KCNAB1: variants seen among roughly 807,000 people sequenced by gnomAD.
The protein encoded by KCNAB1 is voltage-gated potassium channel subunit beta-1.
A neutral mutation model predicts 64.6 loss-of-function variants in KCNAB1; 35 were observed. The observed-to-expected ratio is 0.54, with a 90% CI of 0.41 to 0.72. KCNAB1 has a LOEUF of 0.72. Among genes scored for constraint, KCNAB1 ranks in the 30% least tolerant of loss-of-function variants. The pLI, the probability that KCNAB1 is intolerant of heterozygous loss-of-function variation, is 0.00. For missense variants in KCNAB1, 401 were observed against 512.9 expected (o/e 0.78, Z 2.11); for synonymous variants, 177 against 183.8 (o/e 0.96, Z 0.30).
At chr3:156,314,255 G>A (rs1206024849) in intron 1 of KCNAB1, among the ~76,000 whole-genome samples, 2 of 150,916 alleles carry the variant, frequency 1.3e-5, no homozygotes, top group African/African-American at 5.0e-5. Context: ...ACATGTATTT[G>A]GTATGTTAGG....
At chr3:156,390,487 CTCT>C (rs1173663058) in intron 1 of KCNAB1, among the ~76,000 whole-genome samples, 1 of 152,134 alleles carries the variant, frequency 6.6e-6, no homozygotes, top group Non-Finnish European at 1.5e-5. Flanking sequence ...AGTGTTTGAA[CTCT>C]TTTCCTTGGC....
chr3:156,279,160 C>T (rs1719541857), intron 1 of KCNAB1, among the ~76,000 whole-genome samples: 1 of 147,912 alleles, frequency 6.8e-6, no homozygotes, highest in South Asian at 2.3e-4. Flanking sequence ...TATTCCCCTT[C>T]CTGTGTCCAT....
intron 1 of KCNAB1, among the ~76,000 whole-genome samples, chr3:156,332,594 C>T (rs927614092): frequency 1.3e-5 from 2 of 152,096 alleles, no homozygotes; most frequent in African/African-American, 4.8e-5. Context: ...ATGTCTCCAA[C>T]TGCCAAACGG....
intron 1 of KCNAB1, among the ~76,000 whole-genome samples, chr3:156,379,237 C>A (rs541802126): frequency 2.6e-5 from 4 of 152,310 alleles, no homozygotes; most frequent in South Asian, 4.1e-4. Context: ...CCTATTATGT[C>A]TGCAAGCTCT....
At chr3:156,504,742 G>GTTTTTTTTTTTTTTTTTTTTTT (rs796618812) in intron 8 of KCNAB1, among the ~76,000 whole-genome samples, 1 of 81,240 alleles carries the variant, frequency 1.2e-5, no homozygotes, top group African/African-American at 3.4e-5. Flanking sequence ...TTTTGTTTTT[G>GTTTTTTTTTTTTTTTTTTTTTT]TTTTTTTTGT....
At chr3:156,159,897 A>G (rs1278891505) in intron 1 of KCNAB1, among the ~76,000 whole-genome samples, 3 of 152,244 alleles carry the variant, frequency 2.0e-5, no homozygotes, top group Non-Finnish European at 2.9e-5. Flanking sequence ...TGAGTTTACA[A>G]CAGTAAAAGA....
chr3:156,371,085 C>G (rs1726276051), intron 1 of KCNAB1, among the ~76,000 whole-genome samples: 1 of 152,168 alleles, frequency 6.6e-6, no homozygotes, highest in South Asian at 2.1e-4. Flanking sequence ...TTGGCCACTT[C>G]CAGATTTTCC....
At chr3:156,200,068 C>T (rs894209404) in intron 1 of KCNAB1, among the ~76,000 whole-genome samples, 1 of 152,186 alleles carries the variant, frequency 6.6e-6, no homozygotes, top group Non-Finnish European at 1.5e-5. Context: ...TTCCTTCTAA[C>T]AGTCAAGACC....
At chr3:156,295,251 C>T (rs539008227) in intron 1 of KCNAB1, among the ~76,000 whole-genome samples, 81 of 152,170 alleles carry the variant, frequency 5.3e-4, no homozygotes, top group Admixed American at 2.0e-3. Flanking sequence ...AGTAATTGTG[C>T]GTATGTCTGC....
At chr3:156,509,676 A>G (rs1286999640) in intron 8 of KCNAB1, among the ~76,000 whole-genome samples, 1 of 152,200 alleles carries the variant, frequency 6.6e-6, no homozygotes, top group African/African-American at 2.4e-5. Flanking sequence ...AGGAGCCCAG[A>G]CCAGGAGAGT....
At chr3:156,279,011 A>C (rs2108501044) in intron 1 of KCNAB1, among the ~76,000 whole-genome samples, 2 of 151,570 alleles carry the variant, frequency 1.3e-5, no homozygotes, top group East Asian at 3.9e-4. Context: ...ACATGTGCAC[A>C]TTGTGCAGGT....
intron 1 of KCNAB1, among the ~76,000 whole-genome samples, chr3:156,339,276 AT>A (rs1370365171): frequency 6.6e-6 from 1 of 152,132 alleles, no homozygotes; most frequent in East Asian, 1.9e-4. Context: ...CATAAGGACT[AT>A]TTTATTTACC....
intron 1 of KCNAB1, among the ~76,000 whole-genome samples, chr3:156,342,585 C>CTTTTTTTTTTTTTTTTTTTTTATTTT (rs1724195610): frequency 1.2e-5 from 1 of 86,252 alleles, no homozygotes; most frequent in African/African-American, 3.7e-5. Flanking sequence ...CTATGTGTTT[C>CTTTTTTTTTTTTTTTTTTTTTATTTT]TTTTTTTTTT....
intron 12 of KCNAB1, 72 bp downstream of exon 12, chr3:156,524,019 C>T: frequency 7.3e-7 from 1 of 1,366,140 alleles, no homozygotes; most frequent in Non-Finnish European, 1.0e-6. Flanking sequence ...TTGCTGACCA[C>T]ACCCTTACCA....
intron 2 of KCNAB1, among the ~76,000 whole-genome samples, chr3:156,427,141 C>T (rs1310711790): frequency 6.6e-6 from 1 of 152,048 alleles, no homozygotes; most frequent in Admixed American, 6.6e-5. Flanking sequence ...TGCCCAGACT[C>T]CTGGATTGGG....
intron 1 of KCNAB1, among the ~76,000 whole-genome samples, chr3:156,266,195 G>T (rs1209982166): frequency 6.6e-6 from 1 of 150,826 alleles, no homozygotes; most frequent in Admixed American, 6.6e-5. Context: ...CTACCCCTCT[G>T]CCAATATTCT....
intron 1 of KCNAB1, among the ~76,000 whole-genome samples, chr3:156,289,627 AAAT>A (rs1339107867): frequency 6.6e-6 from 1 of 152,188 alleles, no homozygotes; most frequent in African/African-American, 2.4e-5. Flanking sequence ...ACTGATTCTA[AAAT>A]TACTTCTCAA....
At chr3:156,261,846 T>C (rs918813460) in intron 1 of KCNAB1, among the ~76,000 whole-genome samples, 1 of 152,036 alleles carries the variant, frequency 6.6e-6, no homozygotes, top group Non-Finnish European at 1.5e-5. Flanking sequence ...CTTGACAATA[T>C]TGACTATGCC....
intron 1 of KCNAB1, among the ~76,000 whole-genome samples, chr3:156,159,378 A>G (rs1715938253): frequency 1.3e-5 from 2 of 152,192 alleles, no homozygotes; most frequent in South Asian, 2.1e-4. Context: ...TCTAACTAAA[A>G]GTAAGAAGAG....
Sources: gnomAD v4.1 joint callset for allele counts (sites outside exome capture counted in the v4.1 genomes callset) on GRCh38, gnomAD v4.1.1 for gene constraint, MANE v1.5 for transcripts, NCBI Gene and HGNC (gene_info 2026-07-23, HGNC 2026-07-21) for gene names.